Variants in COMMD7 observed in about 807,000 individuals in gnomAD.
COMMD7 encodes COMM domain containing 7.
In COMMD7, 28 loss-of-function variants were observed where a neutral mutation model predicts 34.8. The ratio of observed to expected loss-of-function variants is 0.80; its 90% CI spans 0.60 to 1.10. COMMD7 has a LOEUF of 1.10. COMMD7 is among the 50% of genes least tolerant of loss of function. The probability of loss-of-function intolerance (pLI) is 0.00; values close to 1 mark genes in which losing one functional copy is unlikely to be tolerated. For synonymous variants in COMMD7, 80 were observed against 86.4 expected (o/e 0.93, Z 0.41); for missense variants, 211 against 241.6 (o/e 0.87, Z 0.84).
chr20:32,704,185 C>A (rs989820928), intron 7 of COMMD7, 114 bp from the exon 8 acceptor site: 4 of 917,530 alleles, frequency 4.4e-6, no homozygotes, highest in African/African-American at 3.4e-5. Context: ...CAGGAGCAGT[C>A]TGGATCATCC....
At chr20:32,727,123 G>C (rs1212366809) in intron 3 of COMMD7, among the ~76,000 whole-genome samples, 2 of 151,510 alleles carry the variant, frequency 1.3e-5, no homozygotes, top group African/African-American at 4.9e-5. Context: ...AGCTACTTGG[G>C]GGTTGAGGCG....
intron 7 of COMMD7, 104 bp from the exon 8 acceptor site, chr20:32,704,175 C>G (rs1227422845): frequency 4.1e-6 from 4 of 983,504 alleles, no homozygotes; most frequent in Non-Finnish European, 4.5e-6. Flanking sequence ...GAGAGTCATA[C>G]AGGAGCAGTC....
Position 32,732,885 on chromosome 20 carries a change from G to A in COMMD7, c.85-4743C>T, listed in dbSNP as rs186911097. ...TGGGAGGTGGAGCTTGCAGTGAGCC[G>A]AGATCGCGCCACTGCACTCCAGCCT... On this transcript the variant is annotated intron_variant, in intron 1 of 8. Coordinates refer to ENST00000278980, the MANE Select transcript of COMMD7 (RefSeq NM_053041.3). Among the ~76,000 whole-genome samples the A allele has an allele frequency of 3.1e-3, 471 of 151,922 alleles. 2 individuals are homozygous for A. Among genetic ancestry groups the A allele is most frequent in the African/African-American group, 0.011 (452 of 41,432 alleles).
intron 1 of COMMD7, among the ~76,000 whole-genome samples, chr20:32,729,167 ATTTT>A (rs777073115): frequency 1.6e-5 from 2 of 122,984 alleles, no homozygotes; most frequent in African/African-American, 3.0e-5. Flanking sequence ...GCTTATTTTG[ATTTT>A]TTTTTTTTTT....
At chr20:32,731,048 G>A (rs774467095) in intron 1 of COMMD7, among the ~76,000 whole-genome samples, 7 of 152,114 alleles carry the variant, frequency 4.6e-5, no homozygotes, top group East Asian at 1.9e-4. Flanking sequence ...AAAAGAAAAC[G>A]AAACTGGGTG....
chr20:32,705,125 T>C (rs1020143882), intron 5 of COMMD7, among the ~76,000 whole-genome samples: 2 of 151,738 alleles, frequency 1.3e-5, no homozygotes, highest in Non-Finnish European at 1.5e-5. Context: ...TATTTTTCAT[T>C]CCAAGATTTA....
chr20:32,743,388 C>G lies in COMMD7; in HGVS notation c.4G>C (p.Gly2Arg). ...GGGTCCTCAGTGCAGTGCAGGCGGC[C>G]CATGGCGCGCGCCCCAGCCCCGCAG... MGRLHCTEDPVP... is the reference protein window; with the variant it reads MRRLHCTEDPVP... The change falls in exon 1 of 9, where the codon GGC becomes CGC. Residue 2 changes from glycine (G) to arginine (R), a missense_variant. By Grantham distance (125) the Gly-to-Arg change is moderately radical. Transcript: ENST00000278980. The G allele has an allele frequency of 7.2e-7, 1 of 1,393,544 alleles. No homozygotes were observed. The highest frequency in any genetic ancestry group is 9.3e-7 in the Non-Finnish European group (1 of 1,079,770). The allele number at this position is 1,393,544 out of a possible 1,614,324, so 86.3% of individuals were successfully genotyped here. A position where few individuals can be genotyped will look rare whatever the true frequency, so the allele number is the denominator to read the frequency against.
At chr20:32,738,206 G>A (rs916502512) in intron 1 of COMMD7, among the ~76,000 whole-genome samples, 1 of 152,114 alleles carries the variant, frequency 6.6e-6, no homozygotes, top group African/African-American at 2.4e-5. Context: ...GCTCACTGCA[G>A]CCTCAAACTT....
chr20:32,703,755 C>T (rs1983885467), intron 8 of COMMD7: 3 of 1,474,842 alleles, frequency 2.0e-6, no homozygotes, highest in African/African-American at 1.4e-5. Context: ...GCTTCTTGCT[C>T]GTCAACCTTC....
At chr20:32,741,274 C>G (rs1986428684) in intron 1 of COMMD7, among the ~76,000 whole-genome samples, 1 of 151,860 alleles carries the variant, frequency 6.6e-6, no homozygotes, top group Non-Finnish European at 1.5e-5. Context: ...TGGCTATTCA[C>G]AGGTGGAATC....
intron 3 of COMMD7, among the ~76,000 whole-genome samples, chr20:32,725,512 T>G (rs1985456910): frequency 7.1e-6 from 1 of 141,472 alleles, no homozygotes; most frequent in Non-Finnish European, 1.5e-5. Flanking sequence ...CACTGCAAAC[T>G]CCGCCTCCCG....
At chr20:32,743,232 G>A in intron 1 of COMMD7, 76 bp downstream of exon 1, 2 of 438,442 alleles carry the variant, frequency 4.6e-6, no homozygotes, top group Non-Finnish European at 8.2e-6. Context: ...GCGCACCCCC[G>A]GACGTCCCCC....
At chr20:32,731,433 CT>C (rs1435673673) in intron 1 of COMMD7, among the ~76,000 whole-genome samples, 1 of 152,168 alleles carries the variant, frequency 6.6e-6, no homozygotes, top group African/African-American at 2.4e-5. Flanking sequence ...GAGCTTGAGG[CT>C]GCAGCAAACT....
intron 3 of COMMD7, among the ~76,000 whole-genome samples, chr20:32,715,806 C>CA (rs961882780): frequency 1.2e-4 from 18 of 150,722 alleles, no homozygotes; most frequent in Admixed American, 6.6e-4. Context: ...GATTCTGTCT[C>CA]AAAAAAAATA....
At chr20:32,726,320 C>A (rs1254570053) in intron 3 of COMMD7, among the ~76,000 whole-genome samples, 1 of 152,016 alleles carries the variant, frequency 6.6e-6, no homozygotes, top group Non-Finnish European at 1.5e-5. Context: ...TCACTTGAAC[C>A]TGGGAGGCAG....
chr20:32,720,226 G>T (rs1985063373), intron 3 of COMMD7, among the ~76,000 whole-genome samples: 1 of 152,162 alleles, frequency 6.6e-6, no homozygotes, highest in African/African-American at 2.4e-5. Context: ...CGGGCACAGT[G>T]GCTCACGCCT....
chr20:32,733,283 AAAC>A (rs776848064), intron 1 of COMMD7, among the ~76,000 whole-genome samples: 46 of 151,880 alleles, frequency 3.0e-4, no homozygotes, highest in Non-Finnish European at 5.2e-4. Context: ...TCAGTTTAAA[AAAC>A]AACAACAAAA....
Position 32,705,376 on chromosome 20 carries a change from A to ATT in COMMD7, c.337-474_337-473dup, listed in dbSNP as rs200183828. Among the ~76,000 whole-genome samples the ATT allele has an allele frequency of 3.0e-4, 38 of 125,448 alleles. 1 individual carries two copies. Among genetic ancestry groups the ATT allele is most frequent in the East Asian group, 4.4e-4 (2 of 4,582 alleles). The allele number at this position is 125,448 out of a possible 152,430, so 82.3% of individuals were successfully genotyped here. ...TGTGTGTGTATATATATATATATAT[A>ATT]TTTTTTTTTTTCTTTGAGATGGAGT... On this transcript the variant is annotated intron_variant, in intron 5 of 8. Transcript: ENST00000278980.
At chr20:32,719,863 G>A (rs973886835) in intron 3 of COMMD7, among the ~76,000 whole-genome samples, 1 of 152,098 alleles carries the variant, frequency 6.6e-6, no homozygotes, top group Non-Finnish European at 1.5e-5. Context: ...GGGAGGTTAA[G>A]ACAGGAGAAT....
Sources: gnomAD v4.1 joint callset for allele counts (sites outside exome capture counted in the v4.1 genomes callset) on GRCh38, gnomAD v4.1.1 for gene constraint, MANE v1.5 for transcripts, NCBI Gene and HGNC (gene_info 2026-07-23, HGNC 2026-07-21) for gene names.